The following OR52N4 variants were observed in gnomAD, a reference collection of about 807,000 sequenced individuals.
The protein encoded by OR52N4 is olfactory receptor family 52 subfamily N member 4, also known as olfactory receptor 52N4.
In OR52N4, 15 loss-of-function variants were observed where a neutral mutation model predicts 15.0. That is an observed-to-expected ratio of 1.00 (90% CI 0.67 to 1.54). OR52N4 has a LOEUF of 1.54. OR52N4 is among the 40% of genes most tolerant of loss of function. The probability of loss-of-function intolerance (pLI) is 0.00; values close to 1 mark genes in which losing one functional copy is unlikely to be tolerated. For missense variants in OR52N4, 421 were observed against 394.0 expected (o/e 1.07, Z -0.58); for synonymous variants, 143 against 143.7 (o/e 1.00, Z 0.03).
chr11:5,741,739 A>C, the OR52N4 span, among the ~76,000 whole-genome samples: 2 of 152,148 alleles, frequency 1.3e-5, no homozygotes, highest in South Asian at 2.1e-4. Context: ...CTTTGAAGTA[A>C]CAGATAGCAA....
At chr11:5,742,172 G>A in the OR52N4 span, among the ~76,000 whole-genome samples, 2 of 151,856 alleles carry the variant, frequency 1.3e-5, no homozygotes, top group African/African-American at 4.8e-5. Flanking sequence ...AAAAAGGAAG[G>A]AAGGAAGGAA....
chr11:5,737,589 C>G, the OR52N4 span: 1 of 1,098,204 alleles, frequency 9.1e-7, no homozygotes, highest in Non-Finnish European at 1.3e-6. Flanking sequence ...TTTGGGATTC[C>G]CTTTTTATAT....
chr11:5,729,113 G>GGTT, the OR52N4 span, among the ~76,000 whole-genome samples: 1 of 50,268 alleles, frequency 2.0e-5, no homozygotes, highest in African/African-American at 8.9e-5. Context: ...CTTAAATTGA[G>GGTT]ATTTTTTTTT....
chr11:5,734,103 G>T, the OR52N4 span: 3 of 452,246 alleles, frequency 6.6e-6, no homozygotes, highest in Middle Eastern at 3.3e-4. Flanking sequence ...TATAATTTCT[G>T]TGCCACATCT....
the OR52N4 span, among the ~76,000 whole-genome samples, chr11:5,739,552 A>ACT: frequency 5.2e-4 from 29 of 55,420 alleles, 4 homozygotes; most frequent in African/African-American, 1.8e-3. Flanking sequence ...AAAGAGTGAG[A>ACT]CTCTGACTCA....
the OR52N4 span, among the ~76,000 whole-genome samples, chr11:5,744,495 G>C: frequency 6.6e-6 from 1 of 152,204 alleles, no homozygotes; most frequent in African/African-American, 2.4e-5. Context: ...ACATTAAAAA[G>C]ATAATGCACC....
At chr11:5,734,379 G>A in the OR52N4 span, 4 of 292,072 alleles carry the variant, frequency 1.4e-5, no homozygotes, top group East Asian at 2.2e-4. Context: ...AGGATTAGAG[G>A]GCCTTTCCAA....
chr11:5,755,231 T>C lies in OR52N4; in HGVS notation c.491T>C (p.Leu164Pro). The C allele has an allele frequency of 6.2e-7, 1 of 1,614,022 alleles. No homozygotes were observed. Among genetic ancestry groups the C allele is most frequent in the Non-Finnish European group, 8.5e-7 (1 of 1,179,968 alleles). The change falls in exon 2 of 2, where the codon CTC (leucine) becomes CCC (proline). Residue 164 changes from leucine to proline, a missense_variant. Transcript: ENST00000641350. The part of the protein sequence containing the change: ...GVLLIIPFTF[L>P]TKLLPYCRGN... ...TTACTCATTATTCCCTTTACTTTCC[T>C]CACCAAGCTCCTGCCCTACTGCAGA...
rs139988106 is a variant in OR52N4, at chr11:5,755,108, A to C, written c.368A>C (p.Asp123Ala). ...ESGVLMLMAL[D>A]RYVAICYPLR... The stretch of plus-strand genomic sequence containing the variant: ...GGGGTGCTTATGCTTATGGCCCTGG[A>C]TCGCTATGTGGCCATCTGCTACCCC... Residue 123 changes from aspartate (D) to alanine (A), a missense_variant, in exon 2 of 2, where the codon GAT becomes GCT. Physicochemically the swap from Asp to Ala is moderately radical, Grantham distance 126 (BLOSUM62 -2). Transcript: ENST00000641350. 1.5e-3 allele frequency: 2,463 copies of C among 1,613,996 alleles called. 30 individuals are homozygous for C. The African/African-American group carries it at 0.026, about 17-fold the overall frequency.
chr11:5,748,165 AT>A, the OR52N4 span, among the ~76,000 whole-genome samples: 1 of 151,940 alleles, frequency 6.6e-6, no homozygotes, highest in Non-Finnish European at 1.5e-5. Context: ...TAAAATTGTA[AT>A]ATTTATGCTA....
At position 5,755,800 on chromosome 11, in the gene OR52N4, T is replaced by A; in HGVS notation, c.*94T>A. 1 of 1,421,266 alleles carries A rather than the reference T, an allele frequency of 7.0e-7. No individual in the cohort carries two copies. Among genetic ancestry groups the A allele is most frequent in the Admixed American group, 2.4e-5 (1 of 41,516 alleles). The allele number at this position is 1,421,266 out of a possible 1,614,324, so 88.0% of individuals were successfully genotyped here. ...ATAAAATCTTTCTGGAAGCACTGTA[T>A]TGATCACAAAATGGAGTTTGTTAAC... On this transcript the variant is annotated 3_prime_UTR_variant, in exon 2 of 2. Coordinates refer to ENST00000641350, the MANE Select transcript of OR52N4 (RefSeq NM_001005175.5).
At chr11:5,736,113 C>A in the OR52N4 span, 1 of 176,290 alleles carries the variant, frequency 5.7e-6, no homozygotes, top group Admixed American at 5.5e-5. Flanking sequence ...CTTTTGCAAC[C>A]TCCTCAGAAG....
chr11:5,752,325 G>GT (rs1414915499), upstream of OR52N4, among the ~76,000 whole-genome samples: 4 of 152,136 alleles, frequency 2.6e-5, no homozygotes, highest in Non-Finnish European at 5.9e-5. Flanking sequence ...TTCAAAACAA[G>GT]TTGCCTTTTG....
At chr11:5,736,140 C>T in the OR52N4 span, 1 of 217,366 alleles carries the variant, frequency 4.6e-6, no homozygotes, top group Admixed American at 5.2e-5. Flanking sequence ...CAAAATAGAA[C>T]ATGAAAGAAA....
the OR52N4 span, chr11:5,736,507 A>G: frequency 6.2e-7 from 1 of 1,612,030 alleles, no homozygotes; most frequent in Non-Finnish European, 8.5e-7. Context: ...TTTGAAATTC[A>G]TGTTGAATCA....
the OR52N4 span, among the ~76,000 whole-genome samples, chr11:5,730,223 A>C: frequency 2.4e-5 from 3 of 124,892 alleles, no homozygotes; most frequent in Non-Finnish European, 3.2e-5. Flanking sequence ...ATGGAGTCTC[A>C]CTCTGGTGCC....
At chr11:5,729,182 T>C in the OR52N4 span, among the ~76,000 whole-genome samples, 1 of 142,096 alleles carries the variant, frequency 7.0e-6, no homozygotes, top group Non-Finnish European at 1.5e-5. Context: ...TGCAGTGGCA[T>C]GATCTCAGCT....
chr11:5,730,509 C>T, the OR52N4 span, among the ~76,000 whole-genome samples: 1 of 152,004 alleles, frequency 6.6e-6, no homozygotes, highest in Non-Finnish European at 1.5e-5. Context: ...CCATTTTTAA[C>T]AGAACTACCT....
the OR52N4 span, among the ~76,000 whole-genome samples, chr11:5,728,606 G>C: frequency 6.6e-6 from 1 of 152,054 alleles, no homozygotes; most frequent in African/African-American, 2.4e-5. Context: ...TAGGTGGAGG[G>C]AACACAAAAC....
Sources: allele counts gnomAD v4.1 joint callset (sites outside exome capture counted in the v4.1 genomes callset), GRCh38; gene constraint gnomAD v4.1.1; transcripts MANE v1.5; gene names NCBI Gene and HGNC (gene_info 2026-07-23, HGNC 2026-07-21).